PLA2G15: variants seen among roughly 807,000 people sequenced by gnomAD.
The protein encoded by PLA2G15 is phospholipase A2 group XV.
In PLA2G15, 20 loss-of-function variants were observed where a neutral mutation model predicts 40.9. The observed-to-expected ratio is 0.49, with a 90% CI of 0.34 to 0.71. PLA2G15 has a LOEUF of 0.71. PLA2G15 is among the 30% of genes least tolerant of loss of function. PLA2G15 has a pLI of 0.01. For synonymous variants in PLA2G15, 223 were observed against 228.2 expected (o/e 0.98, Z 0.21); for missense variants, 471 against 541.9 (o/e 0.87, Z 1.30).
chr16:68,250,790 G>T (rs2042349195), intron 2 of PLA2G15, among the ~76,000 whole-genome samples: 1 of 152,188 alleles, frequency 6.6e-6, no homozygotes, highest in South Asian at 2.1e-4. Flanking sequence ...TGAGGCAGGA[G>T]AATTGCTTGA....
intron 2 of PLA2G15, among the ~76,000 whole-genome samples, chr16:68,250,021 C>A (rs2042340563): frequency 6.6e-6 from 1 of 151,960 alleles, no homozygotes; most frequent in Non-Finnish European, 1.5e-5. Context: ...AGAGCCTCGG[C>A]ATGGCCCCCA....
intron 2 of PLA2G15, 146 bp from the exon 3 acceptor site, chr16:68,254,773 C>T: frequency 1.5e-6 from 1 of 655,532 alleles, no homozygotes; most frequent in Non-Finnish European, 2.7e-6. Flanking sequence ...CTTTATCAAC[C>T]TGCTTTGTTA....
At chr16:68,257,040 C>A (rs2042407594) in intron 5 of PLA2G15, among the ~76,000 whole-genome samples, 1 of 151,950 alleles carries the variant, frequency 6.6e-6, no homozygotes, top group Non-Finnish European at 1.5e-5. Context: ...ACCACCACAC[C>A]CGGCTAATTT....
chr16:68,258,787 A>C, intron 5 of PLA2G15: 1 of 216,576 alleles, frequency 4.6e-6, no homozygotes, highest in Non-Finnish European at 9.2e-6. Flanking sequence ...TACTTCAAAA[A>C]AAAAAAAAAG....
rs58831503 is a variant in PLA2G15, at chr16:68,253,691, G to GTTTTTTTTTT, written c.285-1221_285-1212dup. Among the ~76,000 whole-genome samples the GTTTTTTTTTT allele has an allele frequency of 1.1e-4, 14 of 124,918 alleles. 1 individual carries two copies. Among genetic ancestry groups the GTTTTTTTTTT allele is most frequent in the South Asian group, 2.6e-4 (1 of 3,914 alleles). 82.0% of individuals were successfully genotyped at this position (124,918 alleles called of 152,430 possible). A position where few individuals can be genotyped will look rare whatever the true frequency, so the allele number is the denominator to read the frequency against. On this transcript the variant is annotated intron_variant, in intron 2 of 5. Coordinates refer to ENST00000219345, the MANE Select transcript of PLA2G15 (RefSeq NM_012320.4). ...TGCCTGGCCTAGTGTGTTTTGTTTTGTTTTTTTTTTTTTTTTGAGACAGGG... is the reference window on the plus strand; with the variant it reads ...TGCCTGGCCTAGTGTGTTTTGTTTTGTTTTTTTTTTTTTTTTTTTTTTTTTTGAGACAGGG...
Position 68,245,562 on chromosome 16 carries a change from CG to C in PLA2G15, c.127+12del, listed in dbSNP as rs777228162. The C allele has an allele frequency of 6.4e-7, 1 of 1,568,282 alleles. No homozygotes were observed. The highest frequency in any genetic ancestry group is 8.6e-7 in the Non-Finnish European group (1 of 1,163,016). On this transcript the variant is annotated intron_variant, in intron 1 of 5. Coordinates refer to ENST00000219345, the MANE Select transcript of PLA2G15 (RefSeq NM_012320.4). ...CCCCCCAGTGGTGCTGGGTGAGGCA[CG>C]GGTCTCGTGGTGGATCTGTCGGTCG... is the stretch of plus-strand genomic sequence containing the variant.
At chr16:68,252,332 T>TG (rs1567572711) in intron 2 of PLA2G15, among the ~76,000 whole-genome samples, 1 of 152,154 alleles carries the variant, frequency 6.6e-6, no homozygotes. Context: ...AGTGGGCAAG[T>TG]GGGACTCAGG....
intron 1 of PLA2G15, chr16:68,248,339 G>A (rs1445612032): frequency 6.6e-6 from 1 of 152,422 alleles, no homozygotes; most frequent in Non-Finnish European, 1.5e-5. Flanking sequence ...TATGTAGCCT[G>A]GGATAGCTAT....
chr16:68,249,796 A>G (rs1457929734), intron 2 of PLA2G15, among the ~76,000 whole-genome samples: 2 of 152,138 alleles, frequency 1.3e-5, no homozygotes. Flanking sequence ...CTTGTGCCTC[A>G]GCCTCCCAAG....
chr16:68,259,200 G>A lies in PLA2G15; in HGVS notation c.782G>A (p.Arg261Gln), dbSNP rs372057867. The part of the protein sequence containing the change: ...IGPLKIREQQ[R>Q]SAVSTSWLLP... Reference sequence around the variant, plus strand: ...CCCCTGAAGATCCGGGAGCAGCAGCGGTCAGCTGTCTCCACCAGCTGGCTG... The same window carrying A: ...CCCCTGAAGATCCGGGAGCAGCAGCAGTCAGCTGTCTCCACCAGCTGGCTG... The change falls in exon 6 of 6, where the codon CGG (arginine) becomes CAG (glutamine). Residue 261 changes from arginine to glutamine, a missense_variant. Transcript: ENST00000219345. This position sits in a 1 kb window ranked among gnomAD's most constrained non-coding sequence, Gnocchi z 6.5. 28 of 1,613,368 alleles carry A rather than the reference G, an allele frequency of 1.7e-5. No homozygotes were observed. Among genetic ancestry groups the A allele is most frequent in the South Asian group, 7.7e-5 (7 of 91,082 alleles).
chr16:68,249,119 T>G (rs1160197341), intron 1 of PLA2G15, among the ~76,000 whole-genome samples, 171 bp from the exon 2 acceptor site: 1 of 152,254 alleles, frequency 6.6e-6, no homozygotes, highest in East Asian at 1.9e-4. Context: ...TCAAGGTCCC[T>G]GCTCTCTGAA....
At chr16:68,253,314 A>C (rs900000202) in intron 2 of PLA2G15, 1 of 349,316 alleles carries the variant, frequency 2.9e-6, no homozygotes, top group African/African-American at 2.2e-5. Flanking sequence ...TCCTTCTCCT[A>C]CCTGCCTACC....
At chr16:68,249,823 T>G (rs1199986821) in intron 2 of PLA2G15, among the ~76,000 whole-genome samples, 1 of 151,800 alleles carries the variant, frequency 6.6e-6, no homozygotes, top group African/African-American at 2.4e-5. Flanking sequence ...GGATTACAGG[T>G]GCCCGCCACC....
Position 68,259,768 on chromosome 16 carries a change from A to G in PLA2G15, c.*111A>G, listed in dbSNP as rs907698875. On this transcript the variant is annotated 3_prime_UTR_variant, in exon 6 of 6. Coordinates refer to ENST00000219345, the MANE Select transcript of PLA2G15 (RefSeq NM_012320.4). The surrounding 1 kb of genome is among the most constrained non-coding windows in gnomAD (Gnocchi z 6.5). ...TTGTGACTCACCATTCAAGGCCCCG[A>G]GTCTTGGACTGTGAAGCATCTGCCA... is the stretch of plus-strand genomic sequence containing the variant. The G allele has an allele frequency of 5.3e-6, 5 of 952,302 alleles. No individual in the cohort carries two copies. The highest frequency in any genetic ancestry group is 7.8e-6 in the Non-Finnish European group (5 of 640,002). 59.0% of individuals were successfully genotyped at this position (952,302 alleles called of 1,614,324 possible). A position where few individuals can be genotyped will look rare whatever the true frequency, so the allele number is the denominator to read the frequency against.
chr16:68,250,898 C>G (rs2042349966), intron 2 of PLA2G15, among the ~76,000 whole-genome samples: 1 of 152,114 alleles, frequency 6.6e-6, no homozygotes, highest in Non-Finnish European at 1.5e-5. Flanking sequence ...GACCCTGGTC[C>G]CTTTGTGACA....
intron 2 of PLA2G15, chr16:68,252,390 T>G (rs1478879703): frequency 1.5e-5 from 5 of 324,988 alleles, no homozygotes; most frequent in Non-Finnish European, 3.1e-5. Context: ...CATTTGCTTC[T>G]TCAGTGTGTG....
At chr16:68,247,572 G>C (rs986629722) in intron 1 of PLA2G15, among the ~76,000 whole-genome samples, 6 of 152,214 alleles carry the variant, frequency 3.9e-5, no homozygotes, top group Admixed American at 6.5e-5. Flanking sequence ...CCCTTTGGTA[G>C]AGACAGTGAC....
intron 5 of PLA2G15, among the ~76,000 whole-genome samples, chr16:68,257,420 G>A (rs1479414508): frequency 6.6e-6 from 1 of 152,160 alleles, no homozygotes; most frequent in African/African-American, 2.4e-5. Context: ...GTGCAGATCT[G>A]GCTGGGCCTG....
intron 5 of PLA2G15, chr16:68,258,832 T>C (rs1596951868): frequency 3.2e-6 from 1 of 314,648 alleles, no homozygotes; most frequent in South Asian, 6.5e-5. Flanking sequence ...TGGTGGCGCA[T>C]ACCTGTAGTC....
Sources: gnomAD v4.1 joint callset for allele counts (sites outside exome capture counted in the v4.1 genomes callset) on GRCh38, gnomAD v4.1.1 for gene constraint, Gnocchi (gnomAD v3.1) non-coding constraint, MANE v1.5 for transcripts, NCBI Gene and HGNC (gene_info 2026-07-23, HGNC 2026-07-21) for gene names.